ING5: variants seen among roughly 807,000 people sequenced by gnomAD.
ING5 encodes inhibitor of growth family member 5.
In ING5, 17 loss-of-function variants were observed where a neutral mutation model predicts 37.4. The observed-to-expected ratio is 0.45, with a 90% CI of 0.31 to 0.68. ING5 has a LOEUF of 0.68. Among genes scored for constraint, ING5 ranks in the 30% least tolerant of loss-of-function variants. The pLI is 0.05. For missense variants in ING5, 233 were observed against 311.9 expected, an observed-to-expected ratio of 0.75 and a Z score of 1.91; for synonymous variants, 123 against 116.6, an observed-to-expected ratio of 1.06 and a Z score of -0.36.
At chr2:241,700,427 A>G (rs11695899), upstream of ING5, among the ~76,000 whole-genome samples, 10 of 149,614 alleles carry the variant, frequency 6.7e-5, no homozygotes, top group South Asian at 2.1e-4. Flanking sequence ...AAAGTGCTGG[A>G]ATTACAGGAG....
At position 241,726,498 on chromosome 2, in the gene ING5, G is replaced by A. The variant is rs1026990382; in HGVS notation, c.*1467G>A. ...GAACAAGAACACCCTGAACAGTCCTGGTTGGGATGGTGTCCACATTCATGT... is the reference window on the plus strand; with the variant it reads ...GAACAAGAACACCCTGAACAGTCCTAGTTGGGATGGTGTCCACATTCATGT... On this transcript the variant is annotated 3_prime_UTR_variant, in exon 8 of 8. Transcript: ENST00000313552. 16 of 152,278 alleles carry A rather than the reference G, an allele frequency of 1.1e-4. No homozygotes were observed. Among genetic ancestry groups the A allele is most frequent in the Admixed American group, 7.9e-4 (12 of 15,282 alleles). The allele number at this position is 152,278 out of a possible 1,614,324, so 9.4% of individuals were successfully genotyped here.
intron 5 of ING5, among the ~76,000 whole-genome samples, chr2:241,718,478 A>G (rs2070341581): frequency 7.4e-6 from 1 of 135,742 alleles, no homozygotes; most frequent in Non-Finnish European, 1.5e-5. Context: ...GTGCACTGGT[A>G]CAATCTTGGC....
At chr2:241,705,911 C>T (rs1485151727) in intron 2 of ING5, among the ~76,000 whole-genome samples, 1 of 152,142 alleles carries the variant, frequency 6.6e-6, no homozygotes, top group Non-Finnish European at 1.5e-5. Flanking sequence ...ATGGGACTTC[C>T]ATTGGGCAGC....
At chr2:241,707,980 C>G (rs1229613467) in intron 2 of ING5, among the ~76,000 whole-genome samples, 1 of 152,168 alleles carries the variant, frequency 6.6e-6, no homozygotes, top group South Asian at 2.1e-4. Context: ...TCACTGCAAC[C>G]TCTGCCTCCT....
In ING5 at chr2:241,725,058, AGCAAGTTAATCT is replaced by A; in HGVS notation, c.*29_*40del. 6.2e-7 allele frequency: 1 copy of A among 1,611,968 alleles called. No individual in the cohort carries two copies. Among genetic ancestry groups the A allele is most frequent in the Non-Finnish European group, 8.5e-7 (1 of 1,177,992 alleles). On this transcript the variant is annotated 3_prime_UTR_variant, in exon 8 of 8. Transcript: ENST00000313552. ...AGGAGCTGTGTGCCCGGATCCGAGGAGCAAGTTAATCTGTCCCTTCATTCGTGTCGCAATATT... is the reference window on the plus strand; with the variant it reads ...AGGAGCTGTGTGCCCGGATCCGAGGAGTCCCTTCATTCGTGTCGCAATATT...
At chr2:241,722,601 C>T (rs2070459604) in intron 5 of ING5, 6 of 985,130 alleles carry the variant, frequency 6.1e-6, no homozygotes, top group Non-Finnish European at 7.2e-6. Flanking sequence ...TTTCTTGCTG[C>T]GCCTTCTTAG....
intron 2 of ING5, 168 bp from the exon 3 acceptor site, chr2:241,709,046 GTT>G (rs1559304084): frequency 4.5e-6 from 3 of 662,392 alleles, no homozygotes; most frequent in Non-Finnish European, 8.0e-6. Flanking sequence ...ATCCCAGACT[GTT>G]TGTGCAGAAC....
At chr2:241,715,571 C>CT (rs1327352035) in intron 5 of ING5, among the ~76,000 whole-genome samples, 1 of 150,722 alleles carries the variant, frequency 6.6e-6, no homozygotes, top group Non-Finnish European at 1.5e-5. Context: ...CAACCTCCAC[C>CT]TCCCAGGTTC....
chr2:241,713,711 G>A (rs1050714857), intron 5 of ING5, among the ~76,000 whole-genome samples: 14 of 151,406 alleles, frequency 9.2e-5, no homozygotes, highest in African/African-American at 1.5e-4. Context: ...CCTTTTGGCC[G>A]GGCGAGGTGG....
chr2:241,719,829 T>C (rs556198913), intron 5 of ING5: 76 of 1,406,348 alleles, frequency 5.4e-5, no homozygotes, highest in Admixed American at 6.0e-5. Context: ...TTAGTAGCAA[T>C]GCGGAGCCTG....
At chr2:241,707,922 G>T (rs542695962) in intron 2 of ING5, among the ~76,000 whole-genome samples, 1 of 151,670 alleles carries the variant, frequency 6.6e-6, no homozygotes, top group Non-Finnish European at 1.5e-5. Flanking sequence ...TTTCTGAGAC[G>T]GAGTCTCGCT....
chr2:241,719,610 A>G, intron 5 of ING5: 1 of 1,535,884 alleles, frequency 6.5e-7, no homozygotes, highest in South Asian at 1.2e-5. Context: ...CTGTTTCTCA[A>G]GGGTATGCTA....
Position 241,709,270 on chromosome 2 carries a change from C to T in ING5, c.164C>T (p.Thr55Met), listed in dbSNP as rs1354769907. ...GCAGAGTACATCTCCACGGTGAAGA[C>T]GCTGTCTCCAGACCAGCGCGTGGAG... is the stretch of plus-strand genomic sequence containing the variant. ...LAAEYISTVK[T>M]LSPDQRVERL... The change falls in exon 3 of 8, where the codon ACG (threonine) becomes ATG (methionine). Residue 55 changes from threonine (T) to methionine (M), a missense_variant. Coordinates refer to ENST00000313552, the MANE Select transcript of ING5 (RefSeq NM_032329.6). The T allele has an allele frequency of 3.7e-6, 6 of 1,613,978 alleles. No homozygotes were observed. The African/African-American group carries it at 4.0e-5, about 11-fold the overall frequency.
intron 5 of ING5, among the ~76,000 whole-genome samples, chr2:241,718,630 G>T (rs967680189): frequency 2.0e-5 from 3 of 152,016 alleles, no homozygotes; most frequent in African/African-American, 7.2e-5. Context: ...ATGCAGGCTG[G>T]TCTCGAACTC....
upstream of ING5, chr2:241,701,941 C>T (rs1360249278): frequency 2.0e-6 from 1 of 501,854 alleles, no homozygotes; most frequent in Non-Finnish European, 3.0e-6. Flanking sequence ...GTGTCCGACC[C>T]CGCCCCCGGG....
At chr2:241,698,448 C>T (rs552916794), upstream of ING5, among the ~76,000 whole-genome samples, 6 of 149,046 alleles carry the variant, frequency 4.0e-5, no homozygotes, top group South Asian at 2.2e-4. Flanking sequence ...ATTGTTTCAT[C>T]GATTGTAACA....
chr2:241,715,472 ATTTTTTTTTTT>A (rs34545938), intron 5 of ING5, among the ~76,000 whole-genome samples: 1 of 70,944 alleles, frequency 1.4e-5, no homozygotes, highest in Non-Finnish European at 2.5e-5. Flanking sequence ...CTGGAATAGA[ATTTTTTTTTTT>A]TTTTTTTTTT....
At chr2:241,708,410 A>T (rs1470001359) in intron 2 of ING5, among the ~76,000 whole-genome samples, 3 of 146,312 alleles carry the variant, frequency 2.1e-5, no homozygotes, top group South Asian at 4.4e-4. Flanking sequence ...GGTTTCATCA[A>T]GTTAGCCAGG....
chr2:241,723,326 C>A, intron 7 of ING5, 55 bp downstream of exon 7: 1 of 1,567,878 alleles, frequency 6.4e-7, no homozygotes, highest in Non-Finnish European at 8.8e-7. Flanking sequence ...TGTTGCGCTG[C>A]TGGCCTCCCC....
Sources: gnomAD v4.1 joint callset for allele counts (sites outside exome capture counted in the v4.1 genomes callset) on GRCh38, gnomAD v4.1.1 for gene constraint, MANE v1.5 for transcripts, NCBI Gene and HGNC (gene_info 2026-07-23, HGNC 2026-07-21) for gene names.